The following SLC38A4 variants were observed in gnomAD, a reference collection of about 807,000 sequenced individuals.
The protein encoded by SLC38A4 is solute carrier family 38 member 4.
SLC38A4 carries 20 observed loss-of-function variants against 63.1 expected under a neutral mutation model. The observed-to-expected ratio is 0.32, with a 90% CI of 0.22 to 0.46. The LOEUF is 0.46. Ranked by LOEUF, SLC38A4 falls within the 20% of genes least tolerant of loss-of-function variation. SLC38A4 has a pLI of 1.00. For missense variants in SLC38A4, 526 were observed against 663.6 expected (o/e 0.79, Z 2.28); for synonymous variants, 230 against 225.5 (o/e 1.02, Z -0.18).
intron 7 of SLC38A4, among the ~76,000 whole-genome samples, chr12:46,782,083 A>AT (rs1938654750): frequency 1.3e-5 from 2 of 151,876 alleles, no homozygotes; most frequent in African/African-American, 2.4e-5. Context: ...ACATATAAAA[A>AT]TTTTTTTAAC....
At chr12:46,789,794 A>C (rs1565669552) in intron 3 of SLC38A4, among the ~76,000 whole-genome samples, 1 of 152,200 alleles carries the variant, frequency 6.6e-6, no homozygotes, top group Non-Finnish European at 1.5e-5. Context: ...ATAATCCTAG[A>C]GGCCAGGCAC....
intron 7 of SLC38A4, among the ~76,000 whole-genome samples, chr12:46,784,101 T>C (rs1439730707): frequency 6.6e-6 from 1 of 152,056 alleles, no homozygotes; most frequent in African/African-American, 2.4e-5. Flanking sequence ...GTGGGCTGGC[T>C]CAGTGCAGGC....
chr12:46,775,205 G>A (rs1938498479), intron 13 of SLC38A4, 32 bp from the exon 14 acceptor site: 2 of 1,603,566 alleles, frequency 1.2e-6, no homozygotes, highest in Admixed American at 1.7e-5. Context: ...GAAACCGCTT[G>A]GTGTTGTCAA....
At chr12:46,808,677 C>G (rs1939283859) in intron 1 of SLC38A4, among the ~76,000 whole-genome samples, 1 of 152,006 alleles carries the variant, frequency 6.6e-6, no homozygotes, top group Admixed American at 6.6e-5. Context: ...AGGCTTCCAC[C>G]TAAGCAGAAA....
At chr12:46,820,041 T>G (rs1335135461) in intron 1 of SLC38A4, among the ~76,000 whole-genome samples, 1 of 151,896 alleles carries the variant, frequency 6.6e-6, no homozygotes, top group Non-Finnish European at 1.5e-5. Context: ...GAGGTATGAC[T>G]GATATAAAAC....
intron 1 of SLC38A4, among the ~76,000 whole-genome samples, chr12:46,804,798 T>C (rs1939198853): frequency 6.6e-6 from 1 of 152,076 alleles, no homozygotes. Context: ...AGTTTTGTCT[T>C]TTATCAGACG....
At chr12:46,829,230 T>C (rs1456582703), upstream of SLC38A4, among the ~76,000 whole-genome samples, 1 of 152,168 alleles carries the variant, frequency 6.6e-6, no homozygotes, top group Non-Finnish European at 1.5e-5. Flanking sequence ...TTAAAGCACC[T>C]TTCCTTTCAC....
chr12:46,824,302 A>G (rs1171929749), intron 1 of SLC38A4: 1 of 152,254 alleles, frequency 6.6e-6, no homozygotes, highest in African/African-American at 2.4e-5. Flanking sequence ...GTCTAAGTAC[A>G]TACTTTTTTT....
chr12:46,805,616 G>T (rs74239143), intron 1 of SLC38A4, among the ~76,000 whole-genome samples: 2 of 151,936 alleles, frequency 1.3e-5, no homozygotes, highest in Admixed American at 1.3e-4. Context: ...AATCTCATGC[G>T]CATTTGCTAA....
intron 13 of SLC38A4, among the ~76,000 whole-genome samples, chr12:46,776,023 GA>G (rs1435603912): frequency 6.6e-6 from 1 of 151,476 alleles, no homozygotes; most frequent in African/African-American, 2.4e-5. Flanking sequence ...TAGTCAAATA[GA>G]AAAAAAACCT....
chr12:46,819,779 G>A (rs922400563), intron 1 of SLC38A4, among the ~76,000 whole-genome samples: 2 of 151,834 alleles, frequency 1.3e-5, no homozygotes, highest in African/African-American at 4.8e-5. Flanking sequence ...GAAAAGATTT[G>A]TTTAAATTTC....
chr12:46,825,718 T>G (rs901463301), intron 1 of SLC38A4, among the ~76,000 whole-genome samples, 185 bp downstream of exon 1: 2 of 152,178 alleles, frequency 1.3e-5, no homozygotes, highest in African/African-American at 4.8e-5. Context: ...TAGCACTATC[T>G]AGCATGCACG....
chr12:46,776,429 G>A (rs1371693949), intron 13 of SLC38A4, among the ~76,000 whole-genome samples: 1 of 152,010 alleles, frequency 6.6e-6, no homozygotes, highest in East Asian at 1.9e-4. Flanking sequence ...AATGGGATAT[G>A]TCAGAAATTT....
chr12:46,795,047 T>C (rs1015978708), intron 2 of SLC38A4, among the ~76,000 whole-genome samples: 1 of 152,010 alleles, frequency 6.6e-6, no homozygotes, highest in African/African-American at 2.4e-5. Flanking sequence ...CTTCACACAG[T>C]ACCAGTCTCA....
At chr12:46,814,473 T>A (rs1939398233) in intron 1 of SLC38A4, among the ~76,000 whole-genome samples, 1 of 151,944 alleles carries the variant, frequency 6.6e-6, no homozygotes, top group Non-Finnish European at 1.5e-5. Context: ...GGGGGTTGGT[T>A]GGCTTTGCTT....
chr12:46,776,901 T>C lies in SLC38A4; in HGVS notation c.1174+3A>G. The C allele has an allele frequency of 6.2e-7, 1 of 1,610,800 alleles. No individual in the cohort carries two copies. The highest frequency in any genetic ancestry group is 8.5e-7 in the Non-Finnish European group (1 of 1,177,534). On this transcript the variant is annotated splice_donor_region_variant and intron_variant, in intron 13 of 16. Transcript: ENST00000266579. Reference sequence around the variant, plus strand: ...ATAGAGAATGACTTTCAGAGTGACCTACCATAGAAGGTTAGGTAACCAAAG... The same window carrying C: ...ATAGAGAATGACTTTCAGAGTGACCCACCATAGAAGGTTAGGTAACCAAAG...
At chr12:46,770,033 C>T (rs1239228117) in intron 14 of SLC38A4, among the ~76,000 whole-genome samples, 1 of 151,966 alleles carries the variant, frequency 6.6e-6, no homozygotes, top group Non-Finnish European at 1.5e-5. Context: ...TTTTCCTTGG[C>T]CTATTTTATA....
At chr12:46,797,740 C>T (rs752406818) in intron 2 of SLC38A4, among the ~76,000 whole-genome samples, 1 of 152,154 alleles carries the variant, frequency 6.6e-6, no homozygotes, top group Non-Finnish European at 1.5e-5. Context: ...TCAGCCTAGG[C>T]TTCTCCTGGG....
chr12:46,771,159 G>T (rs889231255), intron 14 of SLC38A4, among the ~76,000 whole-genome samples: 5 of 152,040 alleles, frequency 3.3e-5, no homozygotes, highest in Non-Finnish European at 7.4e-5. Flanking sequence ...GAAAGCAAAT[G>T]GTGTGATATT....
Sources: gnomAD v4.1 joint callset for allele counts (sites outside exome capture counted in the v4.1 genomes callset) on GRCh38, gnomAD v4.1.1 for gene constraint, MANE v1.5 for transcripts, NCBI Gene and HGNC (gene_info 2026-07-23, HGNC 2026-07-21) for gene names.